HSD17B4: variants seen among roughly 807,000 people sequenced by gnomAD.
HSD17B4 encodes peroxisomal multifunctional enzyme type 2.
HSD17B4 carries 70 observed loss-of-function variants against 101.0 expected under a neutral mutation model. The observed-to-expected ratio is 0.69, with a 90% CI of 0.57 to 0.85. The LOEUF is 0.85. HSD17B4 is among the 40% of genes least tolerant of loss of function. The pLI, the probability that HSD17B4 is intolerant of heterozygous loss-of-function variation, is 0.00. For synonymous variants in HSD17B4, 347 were observed against 297.1 expected (o/e 1.17, Z -1.73); for missense variants, 984 against 892.4 (o/e 1.10, Z -1.31).
chr5:119,494,041 T>C (rs562308601), intron 11 of HSD17B4, 95 bp downstream of exon 11: 1 of 1,246,576 alleles, frequency 8.0e-7, no homozygotes, highest in East Asian at 2.3e-5. Flanking sequence ...TTAACTGTAG[T>C]GTTAAGACAC....
intron 16 of HSD17B4, among the ~76,000 whole-genome samples, chr5:119,513,576 G>A (rs1035137081): frequency 2.6e-5 from 4 of 152,126 alleles, no homozygotes; most frequent in African/African-American, 7.2e-5. Flanking sequence ...TAGAGACGGG[G>A]TTTCACCATG....
chr5:119,497,762 G>A (rs940546592), intron 12 of HSD17B4, among the ~76,000 whole-genome samples: 6 of 152,120 alleles, frequency 3.9e-5, no homozygotes, highest in African/African-American at 1.4e-4. Context: ...TATAAAATAT[G>A]TACTAAATAT....
At chr5:119,507,192 A>G (rs1369222786) in intron 15 of HSD17B4, among the ~76,000 whole-genome samples, 1 of 152,192 alleles carries the variant, frequency 6.6e-6, no homozygotes, top group African/African-American at 2.4e-5. Flanking sequence ...TTGCTGGAGT[A>G]TGTTTTTGGC....
At chr5:119,507,063 C>T (rs1203926450) in intron 15 of HSD17B4, among the ~76,000 whole-genome samples, 174 bp downstream of exon 15, 1 of 152,120 alleles carries the variant, frequency 6.6e-6, no homozygotes, top group Non-Finnish European at 1.5e-5. Context: ...GGGGGAGAAG[C>T]ATTTATTTCT....
intron 8 of HSD17B4, among the ~76,000 whole-genome samples, chr5:119,483,449 G>A (rs1244279863): frequency 2.0e-5 from 3 of 152,070 alleles, no homozygotes; most frequent in Non-Finnish European, 4.4e-5. Flanking sequence ...CTCTTTTTAT[G>A]TTGGAGTGCA....
chr5:119,536,028 A>G (rs1252555547), intron 22 of HSD17B4: 2 of 252,832 alleles, frequency 7.9e-6, no homozygotes, highest in East Asian at 1.1e-4. Flanking sequence ...ATTAATAAAT[A>G]CAGAGCTAAA....
Position 119,478,884 on chromosome 5 carries a change from C to G in HSD17B4, c.485C>G (p.Ala162Gly). 2 of 1,613,620 alleles carry G rather than the reference C, an allele frequency of 1.2e-6. No individual in the cohort carries two copies. The highest frequency in any genetic ancestry group is 1.7e-6 in the Non-Finnish European group (2 of 1,179,698). The change falls in exon 8 of 24, where the codon GCC (alanine) becomes GGC (glycine). Residue 162 changes from alanine (A) to glycine (G), a missense_variant. Physicochemically the swap from Ala to Gly is moderately conservative, Grantham distance 60. Transcript: ENST00000510025. Reference sequence around the variant, plus strand: ...GGAATATATGGCAACTTTGGCCAGGCCAATTATAGTGCTGCAAAGTTGGGT... The same window carrying G: ...GGAATATATGGCAACTTTGGCCAGGGCAATTATAGTGCTGCAAAGTTGGGT... ...ASGIYGNFGQ[A>G]NYSAAKLGLL...
chr5:119,511,273 A>T (rs184104420), intron 16 of HSD17B4, among the ~76,000 whole-genome samples: 1 of 152,302 alleles, frequency 6.6e-6, no homozygotes, highest in East Asian at 1.9e-4. Context: ...GCCCTCAAAA[A>T]CAAGGTGTGA....
At position 119,518,308 on chromosome 5, in the gene HSD17B4, C is replaced by T. The variant is rs540870400; in HGVS notation, c.1503+3262C>T. On this transcript the variant is annotated intron_variant, in intron 17 of 23. Transcript: ENST00000510025. ...GTCTGCAGCTTCACTCCTGAGCCAGCGAGACCACGAACCCACCAGAAGGAA... is the reference window on the plus strand; with the variant it reads ...GTCTGCAGCTTCACTCCTGAGCCAGTGAGACCACGAACCCACCAGAAGGAA... Among the ~76,000 whole-genome samples the T allele has an allele frequency of 1.4e-4, 22 of 152,086 alleles. No individual in the cohort carries two copies. The Middle Eastern group carries it at 0.017, about 118-fold the overall frequency.
chr5:119,493,637 C>A (rs1249513691), intron 10 of HSD17B4, 181 bp from the exon 11 acceptor site: 1 of 574,218 alleles, frequency 1.7e-6, no homozygotes. Context: ...TTTAAATTGA[C>A]CTTATCCTAG....
chr5:119,452,820 A>G (rs1453509492), intron 1 of HSD17B4, 187 bp downstream of exon 1: 13 of 1,536,488 alleles, frequency 8.5e-6, no homozygotes, highest in South Asian at 3.6e-5. Flanking sequence ...TCTCTCAAGC[A>G]GGTACAGCCC....
chr5:119,525,800 A>G (rs1220253850), intron 18 of HSD17B4, 117 bp from the exon 19 acceptor site: 5 of 708,280 alleles, frequency 7.1e-6, no homozygotes, highest in African/African-American at 1.8e-5. Context: ...CTTAAAATAG[A>G]TGGTATAATT....
At chr5:119,496,842 T>A (rs1034869943) in intron 12 of HSD17B4, among the ~76,000 whole-genome samples, 196 bp downstream of exon 12, 13 of 152,216 alleles carry the variant, frequency 8.5e-5, no homozygotes, top group African/African-American at 3.1e-4. Context: ...TCGTTTATGA[T>A]TGACTTTATA....
chr5:119,536,246 A>T, intron 22 of HSD17B4, 177 bp from the exon 23 acceptor site: 1 of 595,126 alleles, frequency 1.7e-6, no homozygotes, highest in East Asian at 3.1e-5. Flanking sequence ...TTGTATTTCT[A>T]TATTTTGCTT....
chr5:119,530,851 AAAAAAAAAAAAAC>A (rs1211265510), intron 21 of HSD17B4, among the ~76,000 whole-genome samples: 1 of 143,552 alleles, frequency 7.0e-6, no homozygotes, highest in East Asian at 2.1e-4. Flanking sequence ...GTCTCAAAAA[AAAAAAAAAAAAAC>A]AAAAAACAAA....
intron 6 of HSD17B4, 138 bp from the exon 7 acceptor site, chr5:119,477,279 T>C (rs986147225): frequency 1.1e-5 from 7 of 642,782 alleles, no homozygotes; most frequent in African/African-American, 3.7e-5. Flanking sequence ...AAAATACTCA[T>C]TGGGGTGTGA....
chr5:119,466,998 A>C (rs1452667025), intron 2 of HSD17B4, among the ~76,000 whole-genome samples: 1 of 152,074 alleles, frequency 6.6e-6, no homozygotes, highest in African/African-American at 2.4e-5. Flanking sequence ...TTGTTTCAAG[A>C]AATGTTTACA....
chr5:119,491,955 A>C, intron 9 of HSD17B4, 145 bp from the exon 10 acceptor site: 1 of 746,514 alleles, frequency 1.3e-6, no homozygotes, highest in Non-Finnish European at 2.5e-6. Flanking sequence ...GGGCCAGTGG[A>C]CTCTTACAGA....
At chr5:119,505,422 A>C (rs1198619125) in intron 14 of HSD17B4, among the ~76,000 whole-genome samples, 2 of 152,134 alleles carry the variant, frequency 1.3e-5, no homozygotes, top group East Asian at 1.9e-4. Flanking sequence ...GATTTCTTTC[A>C]GCAGTGTTTT....
Sources: gnomAD v4.1 joint callset for allele counts (sites outside exome capture counted in the v4.1 genomes callset) on GRCh38, gnomAD v4.1.1 for gene constraint, MANE v1.5 for transcripts, NCBI Gene and HGNC (gene_info 2026-07-23, HGNC 2026-07-21) for gene names.